The following ABCF3 variants were observed in gnomAD, a reference collection of about 807,000 sequenced individuals.
ABCF3 encodes ATP binding cassette subfamily F member 3, also known as ATP-binding cassette sub-family F member 3.
Under a neutral mutation model 94.3 loss-of-function variants are expected in ABCF3, and 62 were observed. The observed-to-expected ratio is 0.66, with a 90% CI of 0.54 to 0.81. The LOEUF (loss-of-function observed/expected upper bound fraction) is 0.81. Among genes scored for constraint, ABCF3 ranks in the 40% least tolerant of loss-of-function variants. The probability of loss-of-function intolerance (pLI) is 0.00; values close to 1 mark genes in which losing one functional copy is unlikely to be tolerated. For synonymous variants in ABCF3, 355 were observed against 361.1 expected (o/e 0.98, Z 0.19); for missense variants, 843 against 925.3 (o/e 0.91, Z 1.15).
chr3:184,192,763 C>T (rs1249566723), intron 17 of ABCF3, 42 bp from the exon 18 acceptor site: 1 of 1,611,934 alleles, frequency 6.2e-7, no homozygotes, highest in Admixed American at 1.7e-5. Flanking sequence ...CCTTCGTGGC[C>T]ATTGCCTTTG....
intron 3 of ABCF3, 92 bp from the exon 4 acceptor site, chr3:184,187,305 A>G (rs567466259): frequency 8.3e-6 from 12 of 1,442,386 alleles, no homozygotes; most frequent in Middle Eastern, 4.0e-4. Flanking sequence ...TGTAGAAAAC[A>G]TCTGTGTCTG....
rs1037284085 is a variant in ABCF3, at chr3:184,187,493, T to C, written c.348+50T>C. 13 of 1,583,770 alleles carry C rather than the reference T, an allele frequency of 8.2e-6. No individual in the cohort carries two copies. The Middle Eastern group carries it at 5.0e-4, about 61-fold the overall frequency. On this transcript the variant is annotated intron_variant, in intron 4 of 20. Transcript: ENST00000429586. ...GGACTGTCTGTGATGGGGTTGGGAG[T>C]TGACTGTCTAATTGGAGTATCTTTT...
At chr3:184,187,814 A>C in intron 5 of ABCF3, 47 bp from the exon 6 acceptor site, 3 of 1,614,144 alleles carry the variant, frequency 1.9e-6, no homozygotes, top group Non-Finnish European at 2.5e-6. Flanking sequence ...TTGCCTGGAC[A>C]GAAGGTGGTG....
In ABCF3 at chr3:184,188,131, A is replaced by G. The variant is rs754345529; in HGVS notation, c.570-10A>G. ...AGAGCATCTTTGGTCTCCTTTCTCCACTCCTGCAGAGTACTGCTGGCTGGA... is the reference window on the plus strand; with the variant it reads ...AGAGCATCTTTGGTCTCCTTTCTCCGCTCCTGCAGAGTACTGCTGGCTGGA... On this transcript the variant is annotated splice_polypyrimidine_tract_variant and intron_variant, in intron 6 of 20. Coordinates refer to ENST00000429586, the MANE Select transcript of ABCF3 (RefSeq NM_018358.3). 1.9e-6 allele frequency: 3 copies of G among 1,611,250 alleles called. No individual in the cohort carries two copies. Among genetic ancestry groups the G allele is most frequent in the Non-Finnish European group, 2.5e-6 (3 of 1,177,930 alleles).
rs1716142867 is a variant in ABCF3, at chr3:184,193,244, C to T, written c.1883+10C>T. The T allele has an allele frequency of 1.3e-6, 2 of 1,574,044 alleles. No homozygotes were observed. Among genetic ancestry groups the T allele is most frequent in the Non-Finnish European group, 1.7e-6 (2 of 1,160,538 alleles). ...AGATGACTATGCCCTGGTGAGGCCT[C>T]ATTTTCCAGAGCTCTTCCCCTCCCA... On this transcript the variant is annotated intron_variant, in intron 19 of 20. Transcript: ENST00000429586. The surrounding 1 kb of genome is among the most constrained non-coding windows in gnomAD (Gnocchi z 5.2).
rs778251699 is a variant in ABCF3, at chr3:184,189,719, G to A, written c.1276G>A (p.Glu426Lys). 6.2e-7 allele frequency: 1 copy of A among 1,614,012 alleles called. No individual in the cohort carries two copies. The highest frequency in any genetic ancestry group is 8.5e-7 in the Non-Finnish European group (1 of 1,180,004). ...KQERLLNQQR[E>K]YEAQQQYRQH... is the part of the protein sequence containing the mutation. ...GGAGCGGCTGCTCAACCAGCAGCGT[G>A]AATATGAGGCGCAGCAGCAGTATCG... is the stretch of plus-strand genomic sequence containing the variant. The change falls in exon 13 of 21, where the codon GAA becomes AAA. Residue 426 changes from glutamate (E) to lysine (K), a missense_variant. Glu to Lys is a moderately conservative substitution (Grantham distance 56). Transcript: ENST00000429586.
At position 184,191,211 on chromosome 3, in the gene ABCF3, A is replaced by C; in HGVS notation, c.1525A>C (p.Ser509Arg). The C allele has an allele frequency of 6.2e-7, 1 of 1,614,186 alleles. No individual in the cohort carries two copies. Among genetic ancestry groups the C allele is most frequent in the East Asian group, 2.2e-5 (1 of 44,884 alleles). ...FYYDPKHVIF[S>R]RLSVSADLES... ...CTACGATCCGAAGCACGTCATCTTC[A>C]GTCGCCTCTCTGTGTCTGCTGATCT... Residue 509 changes from serine to arginine, a missense_variant, in exon 16 of 21, where the codon AGT becomes CGT. By Grantham distance (110) the Ser-to-Arg change is moderately radical. Coordinates refer to ENST00000429586, the MANE Select transcript of ABCF3 (RefSeq NM_018358.3).
chr3:184,193,894 T>G lies in ABCF3; in HGVS notation c.*196T>G. 33 of 667,988 alleles carry G rather than the reference T, an allele frequency of 4.9e-5. No individual in the cohort carries two copies. Among genetic ancestry groups the G allele is most frequent in the Non-Finnish European group, 6.5e-5 (27 of 417,268 alleles). 41.4% of individuals were successfully genotyped at this position (667,988 alleles called of 1,614,324 possible). A position where few individuals can be genotyped will look rare whatever the true frequency, so the allele number is the denominator to read the frequency against. ...ATCCAAGGGTTGGTGAGGACTGGTCTCCCGGGGGTGGGGGTCTGGGGGGTA... is the reference window on the plus strand; with the variant it reads ...ATCCAAGGGTTGGTGAGGACTGGTCGCCCGGGGGTGGGGGTCTGGGGGGTA... On this transcript the variant is annotated 3_prime_UTR_variant, in exon 21 of 21. Transcript: ENST00000429586. This position sits in a 1 kb window ranked among gnomAD's most constrained non-coding sequence, Gnocchi z 5.2.
At chr3:184,192,478 A>G (rs997461269) in intron 16 of ABCF3, 123 bp from the exon 17 acceptor site, 3 of 926,502 alleles carry the variant, frequency 3.2e-6, no homozygotes, top group Admixed American at 6.2e-5. Context: ...CCCAGCCTCT[A>G]GTAACCACAA....
rs780813048 is a variant in ABCF3 at position 184,191,295 on chromosome 3, CCTGT to C, written c.1569+43_1569+46del. 2.0e-5 allele frequency: 32 copies of C among 1,611,226 alleles called. No individual in the cohort carries two copies. In the Admixed American group the frequency reaches 5.0e-4, roughly 25 times the overall value. On this transcript the variant is annotated intron_variant, in intron 16 of 20. Coordinates refer to ENST00000429586, the MANE Select transcript of ABCF3 (RefSeq NM_018358.3). ...TCTCTGTGCTGCGAGCTGGGACTCTCCTGTCTAAGTGTGTGGTGTGGATTGGCCC... is the reference window on the plus strand; with the variant it reads ...TCTCTGTGCTGCGAGCTGGGACTCTCCTAAGTGTGTGGTGTGGATTGGCCC...
At chr3:184,187,004 T>C in intron 3 of ABCF3, 129 bp downstream of exon 3, 1 of 986,502 alleles carries the variant, frequency 1.0e-6, no homozygotes, top group South Asian at 1.7e-5. Context: ...AGTTGATGTC[T>C]TTACCGAGGG....
rs1313294374 is a variant in ABCF3 at position 184,188,511 on chromosome 3, A to G, written c.836+104A>G. 4.1e-6 allele frequency: 6 copies of G among 1,458,742 alleles called. No homozygotes were observed. In the African/African-American group the frequency reaches 8.4e-5, roughly 20 times the overall value. 90.4% of individuals were successfully genotyped at this position (1,458,742 alleles called of 1,614,324 possible). A position where few individuals can be genotyped will look rare whatever the true frequency, so the allele number is the denominator to read the frequency against. On this transcript the variant is annotated intron_variant, in intron 7 of 20. Transcript: ENST00000429586. Reference sequence around the variant, plus strand: ...TTGCATGTACATCCTAGTAATCAGCAGAGCTTAGAACTTGGCACTCTGGGA... The same window carrying G: ...TTGCATGTACATCCTAGTAATCAGCGGAGCTTAGAACTTGGCACTCTGGGA...
At chr3:184,192,006 AAAGTGCTGGG>A (rs1716059294) in intron 16 of ABCF3, among the ~76,000 whole-genome samples, 1 of 152,024 alleles carries the variant, frequency 6.6e-6, no homozygotes, top group Non-Finnish European at 1.5e-5. Context: ...TCAGCCTCCC[AAAGTGCTGGG>A]AATACAGGCC....
In ABCF3 at chr3:184,188,823, C is replaced by T. The variant is rs1282241997; in HGVS notation, c.899C>T (p.Ala300Val). ...TATGCCAAACTGGAGGAGATTGAGGCTGACAAGGCACCTGCCAGGTATTTA... is the reference window on the plus strand; with the variant it reads ...TATGCCAAACTGGAGGAGATTGAGGTTGACAAGGCACCTGCCAGGTATTTA... ...EIYAKLEEIE[A>V]DKAPARASVI... The change falls in exon 8 of 21, where the codon GCT (alanine) becomes GTT (valine). Residue 300 changes from alanine (A) to valine (V), a missense_variant. Ala to Val is a moderately conservative substitution (Grantham distance 64). Transcript: ENST00000429586. The T allele has an allele frequency of 1.2e-6, 2 of 1,613,946 alleles. No individual in the cohort carries two copies. Among genetic ancestry groups the T allele is most frequent in the Non-Finnish European group, 1.7e-6 (2 of 1,179,896 alleles).
At position 184,187,650 on chromosome 3, in the gene ABCF3, G is replaced by A. The variant is rs1577065759; in HGVS notation, c.349-14G>A. 1 of 1,614,174 alleles carries A rather than the reference G, an allele frequency of 6.2e-7. No individual in the cohort carries two copies. The highest frequency in any genetic ancestry group is 8.5e-7 in the Non-Finnish European group (1 of 1,179,988). On this transcript the variant is annotated splice_polypyrimidine_tract_variant and intron_variant, in intron 4 of 20. Coordinates refer to ENST00000429586, the MANE Select transcript of ABCF3 (RefSeq NM_018358.3). ...CTACACCCGAGAGTGAAGTCGATGT[G>A]TTTGGACCCTTAGACAGTGAATGCA... is the stretch of plus-strand genomic sequence containing the variant.
rs1369687929 is a variant in ABCF3, at chr3:184,191,051, C to A, written c.1436+8C>A. The A allele has an allele frequency of 1.9e-6, 3 of 1,614,200 alleles. No homozygotes were observed. The highest frequency in any genetic ancestry group is 2.5e-6 in the Non-Finnish European group (3 of 1,180,040). ...ATCAGAGGTCGTAATGAAGTAAGTG[C>A]TGGGCCAGTGGGGCTGGTGGGGAAT... On this transcript the variant is annotated splice_region_variant and intron_variant, in intron 15 of 20. Transcript: ENST00000429586.
intron 14 of ABCF3, chr3:184,190,338 TGAG>T: frequency 4.7e-6 from 1 of 213,888 alleles, no homozygotes; most frequent in East Asian, 1.2e-4. Flanking sequence ...TATTGAGTCA[TGAG>T]GGGCCATTTG....
intron 1 of ABCF3, 29 bp downstream of exon 1, chr3:184,186,309 G>A (rs767681878): frequency 5.0e-6 from 8 of 1,613,724 alleles, no homozygotes; most frequent in Non-Finnish European, 6.8e-6. Context: ...GCCGGCTGGG[G>A]AGACCGAAGT....
At chr3:184,189,217 C>G in intron 10 of ABCF3, 38 bp from the exon 11 acceptor site, 2 of 1,614,178 alleles carry the variant, frequency 1.2e-6, no homozygotes, top group Non-Finnish European at 1.7e-6. Context: ...GCATGAGTTG[C>G]TGACCTAAAA....
Sources: gnomAD v4.1 joint callset for allele counts (sites outside exome capture counted in the v4.1 genomes callset) on GRCh38, gnomAD v4.1.1 for gene constraint, Gnocchi (gnomAD v3.1) non-coding constraint, MANE v1.5 for transcripts, NCBI Gene and HGNC (gene_info 2026-07-23, HGNC 2026-07-21) for gene names.